Variants in ARHGAP42 observed in about 807,000 individuals in gnomAD.
ARHGAP42 encodes the protein rho GTPase-activating protein 42.
In ARHGAP42, 63 loss-of-function variants were observed where a neutral mutation model predicts 125.0. That is an observed-to-expected ratio of 0.50 (90% CI 0.41 to 0.62). The LOEUF is 0.62. Ranked by LOEUF, ARHGAP42 falls within the 20% of genes least tolerant of loss-of-function variation. The pLI, the probability that ARHGAP42 is intolerant of heterozygous loss-of-function variation, is 0.00. For missense variants in ARHGAP42, 766 were observed against 1,024.2 expected (o/e 0.75, Z 3.44); for synonymous variants, 339 against 351.0 (o/e 0.97, Z 0.38).
intron 7 of ARHGAP42, among the ~76,000 whole-genome samples, 179 bp from the exon 8 acceptor site, chr11:100,936,023 TG>T (rs1292472803): frequency 7.9e-5 from 12 of 152,024 alleles, no homozygotes; most frequent in Admixed American, 1.3e-4. Context: ...TTGTGGGGAC[TG>T]AGGCAGGAGG....
chr11:100,811,592 C>T (rs1209614023), intron 3 of ARHGAP42, among the ~76,000 whole-genome samples: 1 of 149,876 alleles, frequency 6.7e-6, no homozygotes, highest in Admixed American at 6.6e-5. Flanking sequence ...TCAACTCCCC[C>T]GGGCTCAAGT....
At chr11:100,872,390 G>T (rs1346563349) in intron 4 of ARHGAP42, among the ~76,000 whole-genome samples, 3 of 151,586 alleles carry the variant, frequency 2.0e-5, no homozygotes, top group Non-Finnish European at 4.4e-5. Context: ...ATGAGTTTTT[G>T]TTGTTGTTGT....
chr11:100,853,104 T>C (rs527937312), intron 3 of ARHGAP42, among the ~76,000 whole-genome samples: 1 of 152,336 alleles, frequency 6.6e-6, no homozygotes, highest in South Asian at 2.1e-4. Flanking sequence ...AAAATTGCTT[T>C]CTTAAATGCA....
intron 3 of ARHGAP42, among the ~76,000 whole-genome samples, chr11:100,844,611 A>T (rs756219660): frequency 6.6e-6 from 1 of 152,106 alleles, no homozygotes; most frequent in Non-Finnish European, 1.5e-5. Context: ...AGAAAAAAAA[A>T]ATCCTATCAA....
intron 3 of ARHGAP42, among the ~76,000 whole-genome samples, chr11:100,812,574 A>G (rs1483712538): frequency 2.0e-5 from 3 of 152,248 alleles, no homozygotes; most frequent in African/African-American, 7.2e-5. Flanking sequence ...AAATCAAGGA[A>G]GGCCTCAGTG....
At chr11:100,723,490 T>G (rs531877450) in intron 1 of ARHGAP42, among the ~76,000 whole-genome samples, 17 of 152,186 alleles carry the variant, frequency 1.1e-4, no homozygotes, top group Non-Finnish European at 2.1e-4. Context: ...CTTAGATATA[T>G]TTTGTTAGAT....
intron 22 of ARHGAP42, among the ~76,000 whole-genome samples, chr11:100,980,559 C>CTTCTTTTTTATTTTTTTTTTTTTTTTTT (rs1555037006): frequency 1.9e-5 from 1 of 51,962 alleles, no homozygotes; most frequent in Admixed American, 3.5e-4. Flanking sequence ...TTTTCTTCTT[C>CTTCTTTTTTATTTTTTTTTTTTTTTTTT]TTTTTTTTTT....
chr11:100,818,841 T>G (rs1399105272), intron 3 of ARHGAP42, among the ~76,000 whole-genome samples: 3 of 152,004 alleles, frequency 2.0e-5, no homozygotes, highest in South Asian at 2.1e-4. Context: ...GCCTTGACAG[T>G]TGGGTAAGAT....
intron 2 of ARHGAP42, among the ~76,000 whole-genome samples, chr11:100,789,591 C>T (rs1237466915): frequency 6.6e-6 from 1 of 152,204 alleles, no homozygotes; most frequent in Non-Finnish European, 1.5e-5. Flanking sequence ...ACAGTAGTGG[C>T]TCCAAACCAA....
chr11:100,947,048 A>C (rs186416744), intron 10 of ARHGAP42, among the ~76,000 whole-genome samples: 1 of 152,052 alleles, frequency 6.6e-6, no homozygotes, highest in East Asian at 1.9e-4. Flanking sequence ...TTTAAGATCC[A>C]CTTACTAAGT....
At chr11:100,967,576 A>C (rs1858126785) in intron 17 of ARHGAP42, among the ~76,000 whole-genome samples, 1 of 152,244 alleles carries the variant, frequency 6.6e-6, no homozygotes, top group Non-Finnish European at 1.5e-5. Context: ...TACTCAGTAC[A>C]AATGTGAAAC....
At chr11:100,982,424 T>TA (rs1858568433) in intron 22 of ARHGAP42, among the ~76,000 whole-genome samples, 1 of 152,210 alleles carries the variant, frequency 6.6e-6, no homozygotes, top group African/African-American at 2.4e-5. Flanking sequence ...AAGTGATTCT[T>TA]ATGTACATGA....
chr11:100,794,284 T>C (rs1160686222), intron 2 of ARHGAP42, among the ~76,000 whole-genome samples: 1 of 152,072 alleles, frequency 6.6e-6, no homozygotes, highest in Non-Finnish European at 1.5e-5. Flanking sequence ...TAACATCCCT[T>C]TAATTTATTT....
intron 1 of ARHGAP42, among the ~76,000 whole-genome samples, chr11:100,731,392 A>G (rs1861955417): frequency 6.6e-6 from 1 of 152,144 alleles, no homozygotes; most frequent in Non-Finnish European, 1.5e-5. Flanking sequence ...CTCTTGATCC[A>G]TCCGCCTCAG....
At chr11:100,914,282 A>G (rs1393374670) in intron 5 of ARHGAP42, among the ~76,000 whole-genome samples, 1 of 150,512 alleles carries the variant, frequency 6.6e-6, no homozygotes, top group African/African-American at 2.5e-5. Flanking sequence ...TTCTTTAAGA[A>G]CAAATGAATA....
intron 1 of ARHGAP42, among the ~76,000 whole-genome samples, chr11:100,693,353 C>A (rs1224233254): frequency 6.6e-6 from 1 of 152,106 alleles, no homozygotes; most frequent in Admixed American, 6.5e-5. Flanking sequence ...GTAATTGCAT[C>A]TTTCAGATGA....
chr11:100,735,318 G>A (rs577773557), intron 1 of ARHGAP42, among the ~76,000 whole-genome samples: 8 of 152,264 alleles, frequency 5.3e-5, no homozygotes, highest in Non-Finnish European at 1.2e-4. Context: ...TTTGTGAGTG[G>A]AATCCCCCTT....
rs181697587 is a variant in ARHGAP42 at position 100,837,207 on chromosome 11, G to A, written c.313-22347G>A. ...TTTTTTCAACCCTAAATGTTTAAGT[G>A]TGTATTTTCTAAGACACAGATATTC... On this transcript the variant is annotated intron_variant, in intron 3 of 23. Transcript: ENST00000298815. 2.2e-3 allele frequency among the ~76,000 whole-genome samples: 333 copies of A among 152,034 alleles called. 4 individuals are homozygous for A. Among genetic ancestry groups the A allele is most frequent in the African/African-American group, 7.6e-3 (316 of 41,464 alleles).
intron 6 of ARHGAP42, 23 bp downstream of exon 6, chr11:100,921,627 A>C: frequency 7.1e-7 from 1 of 1,401,476 alleles, no homozygotes; most frequent in Non-Finnish European, 9.8e-7. Context: ...TTTTTGTATA[A>C]ATGGTGGGCT....
Sources: allele counts gnomAD v4.1 joint callset (sites outside exome capture counted in the v4.1 genomes callset), GRCh38; gene constraint gnomAD v4.1.1; transcripts MANE v1.5; gene names NCBI Gene and HGNC (gene_info 2026-07-23, HGNC 2026-07-21).